Variants in GALNT13 observed in about 807,000 individuals in gnomAD.
The protein encoded by GALNT13 is polypeptide N-acetylgalactosaminyltransferase 13, also known as UDP-GalNAc:polypeptide N-acetylgalactosaminyltransferase 13.
A neutral mutation model predicts 64.2 loss-of-function variants in GALNT13; 28 were observed. The observed-to-expected ratio is 0.44, with a 90% CI of 0.32 to 0.60. GALNT13 has a LOEUF of 0.60. Ranked by LOEUF, GALNT13 falls within the 20% of genes least tolerant of loss-of-function variation. The pLI is 0.05. For synonymous variants in GALNT13, 214 were observed against 224.6 expected (o/e 0.95, Z 0.42); for missense variants, 577 against 669.8 (o/e 0.86, Z 1.53).
chr2:154,393,371 C>T (rs907106402), intron 9 of GALNT13, among the ~76,000 whole-genome samples: 5 of 152,158 alleles, frequency 3.3e-5, no homozygotes, highest in Admixed American at 3.3e-4. Context: ...TCTTTAAAAT[C>T]AGAAGTGACA....
the GALNT13 span, among the ~76,000 whole-genome samples, chr2:153,595,130 C>T: frequency 6.6e-6 from 1 of 151,694 alleles, no homozygotes; most frequent in East Asian, 1.9e-4. Flanking sequence ...AGAAAATGTA[C>T]TTTTTTTGTA....
At chr2:153,520,643 G>A in the GALNT13 span, among the ~76,000 whole-genome samples, 1 of 152,204 alleles carries the variant, frequency 6.6e-6, no homozygotes, top group South Asian at 2.1e-4. Context: ...AGAGGTTGGC[G>A]CATTGGCACC....
the GALNT13 span, among the ~76,000 whole-genome samples, chr2:153,199,995 T>A: frequency 6.6e-6 from 1 of 152,210 alleles, no homozygotes; most frequent in East Asian, 1.9e-4. Flanking sequence ...TCAGGAGTCT[T>A]ATATTTTTAG....
the GALNT13 span, among the ~76,000 whole-genome samples, chr2:153,117,591 T>C: frequency 6.6e-6 from 1 of 152,202 alleles, no homozygotes; most frequent in Admixed American, 6.5e-5. Flanking sequence ...TTTGGTGCAG[T>C]TGAGGTAGCA....
chr2:154,289,158 G>A (rs1013343038), intron 8 of GALNT13, among the ~76,000 whole-genome samples: 1 of 152,156 alleles, frequency 6.6e-6, no homozygotes, highest in African/African-American at 2.4e-5. Context: ...ACCAAAGTTT[G>A]GGGCTTGCAC....
chr2:153,104,084 C>T, the GALNT13 span, among the ~76,000 whole-genome samples: 3 of 152,160 alleles, frequency 2.0e-5, no homozygotes, highest in Non-Finnish European at 4.4e-5. Flanking sequence ...CACAACTTTA[C>T]TATTAGTACA....
At chr2:153,552,633 C>A in the GALNT13 span, among the ~76,000 whole-genome samples, 1 of 127,494 alleles carries the variant, frequency 7.8e-6, no homozygotes. Flanking sequence ...GCATCATTGA[C>A]AATTAGGAAA....
intron 4 of GALNT13, among the ~76,000 whole-genome samples, chr2:154,142,165 C>T (rs1683291209): frequency 6.6e-6 from 1 of 152,090 alleles, no homozygotes; most frequent in Non-Finnish European, 1.5e-5. Context: ...AAATTTGCCA[C>T]CTCTAGTGGG....
chr2:153,730,340 C>T, the GALNT13 span, among the ~76,000 whole-genome samples: 2 of 151,740 alleles, frequency 1.3e-5, no homozygotes, highest in Non-Finnish European at 3.0e-5. Context: ...ACAAATATAA[C>T]TGGAGAAAGG....
At chr2:154,118,348 A>C (rs1389602745) in intron 3 of GALNT13, among the ~76,000 whole-genome samples, 2 of 137,454 alleles carry the variant, frequency 1.5e-5, no homozygotes, top group African/African-American at 5.5e-5. Flanking sequence ...TATGCTGTCT[A>C]TCTTTTGAGA....
At chr2:153,369,377 T>C in the GALNT13 span, among the ~76,000 whole-genome samples, 1 of 152,094 alleles carries the variant, frequency 6.6e-6, no homozygotes, top group African/African-American at 2.4e-5. Flanking sequence ...AGTTTGTTTC[T>C]TTGAAAATAT....
chr2:154,358,340 C>T (rs747530485), intron 9 of GALNT13, among the ~76,000 whole-genome samples: 41 of 151,962 alleles, frequency 2.7e-4, no homozygotes, highest in Non-Finnish European at 4.9e-4. Context: ...CTATTTTTTC[C>T]ACTCTTCACT....
chr2:154,446,982 T>G (rs921819110), intron 12 of GALNT13, among the ~76,000 whole-genome samples: 3 of 119,532 alleles, frequency 2.5e-5, no homozygotes, highest in Non-Finnish European at 5.9e-5. Context: ...GGGGTTTTTT[T>G]GTTTTTTTTC....
chr2:153,718,149 A>C, the GALNT13 span, among the ~76,000 whole-genome samples: 2 of 152,164 alleles, frequency 1.3e-5, no homozygotes. Context: ...AGATAGATTA[A>C]AAATCTAGTT....
At chr2:154,258,728 G>T (rs563061053) in intron 7 of GALNT13, among the ~76,000 whole-genome samples, 1 of 151,122 alleles carries the variant, frequency 6.6e-6, no homozygotes. Flanking sequence ...ACCTCTCTTC[G>T]CTATGATTTT....
chr2:153,116,347 C>T, the GALNT13 span, among the ~76,000 whole-genome samples: 248 of 152,072 alleles, frequency 1.6e-3, no homozygotes, highest in African/African-American at 5.0e-3. Context: ...TTTTAATGAA[C>T]GGACTGGAAC....
intron 9 of GALNT13, among the ~76,000 whole-genome samples, chr2:154,326,484 CTG>C (rs1694882185): frequency 6.6e-6 from 1 of 151,936 alleles, no homozygotes; most frequent in South Asian, 2.1e-4. Flanking sequence ...ACTGGGAATT[CTG>C]TATTTTTATT....
chr2:153,314,542 A>G, the GALNT13 span, among the ~76,000 whole-genome samples: 5 of 152,162 alleles, frequency 3.3e-5, no homozygotes, highest in Admixed American at 6.5e-5. Context: ...TAGGTCACAA[A>G]ACAAACTCAA....
chr2:153,414,454 G>A, the GALNT13 span, among the ~76,000 whole-genome samples: 3 of 150,644 alleles, frequency 2.0e-5, no homozygotes, highest in East Asian at 5.8e-4. Context: ...GTGAGCATCT[G>A]CGTTAGAAAC....
Sources: gnomAD v4.1 joint callset for allele counts (sites outside exome capture counted in the v4.1 genomes callset) on GRCh38, gnomAD v4.1.1 for gene constraint, MANE v1.5 for transcripts, NCBI Gene and HGNC (gene_info 2026-07-23, HGNC 2026-07-21) for gene names.